CRACD: variants seen among roughly 807,000 people sequenced by gnomAD.
CRACD encodes capping protein inhibiting regulator of actin dynamics.
A neutral mutation model predicts 106.8 loss-of-function variants in CRACD; 56 were observed. The ratio of observed to expected loss-of-function variants is 0.52; its 90% confidence interval spans 0.42 to 0.66. The LOEUF is 0.66. Among genes scored for constraint, CRACD ranks in the 30% least tolerant of loss-of-function variants. CRACD has a pLI of 0.00. For missense variants in CRACD, 1,730 were observed against 1,623.2 expected (o/e 1.07, Z -1.13); for synonymous variants, 754 against 670.8 (o/e 1.12, Z -1.92).
rs1199057568 is a variant in CRACD, at chr4:56,063,737, AT to A, written c.-336+14439del. On this transcript the variant is annotated intron_variant, in intron 1 of 10. Transcript: ENST00000682029. ...CCATTGTATGACTTTTTAAAAAAAA[AT>A]GAAATTTTCTGTTGATGGATATTTG... Among the ~76,000 whole-genome samples, 3 of 152,178 alleles carry A rather than the reference AT, an allele frequency of 2.0e-5. No homozygotes were observed. In the East Asian group the frequency reaches 5.8e-4, roughly 29 times the overall value.
chr4:56,280,694 A>C (rs1191234051), intron 3 of CRACD, among the ~76,000 whole-genome samples: 4 of 152,238 alleles, frequency 2.6e-5, no homozygotes, highest in Non-Finnish European at 5.9e-5. Flanking sequence ...GGACAAGTCA[A>C]TATTCATCTA....
chr4:56,297,264 A>T (rs1744108072), intron 3 of CRACD, among the ~76,000 whole-genome samples: 1 of 152,096 alleles, frequency 6.6e-6, no homozygotes, highest in Non-Finnish European at 1.5e-5. Context: ...CACACGGCTT[A>T]TACCTCATTG....
rs1434321614 is a variant in CRACD at position 56,275,264 on chromosome 4, C to CTGAACACG, written c.-17+2777_-17+2778insACGTGAAC. 3.9e-5 allele frequency among the ~76,000 whole-genome samples: 6 copies of CTGAACACG among 152,190 alleles called. No individual in the cohort carries two copies. The South Asian group carries it at 1.2e-3, about 32-fold the overall frequency. The stretch of plus-strand genomic sequence containing the variant: ...ACGTAACAAACCTTCACGTGTACCC[C>CTGAACACG]TGAACGTAAAATAAAAGTTAAAAAA... On this transcript the variant is annotated intron_variant, in intron 3 of 10. Transcript: ENST00000682029.
At chr4:56,322,402 T>G (rs1746158994) in intron 8 of CRACD, among the ~76,000 whole-genome samples, 1 of 152,240 alleles carries the variant, frequency 6.6e-6, no homozygotes, top group African/African-American at 2.4e-5. Context: ...ACCTGTCACA[T>G]GAACCTCCTG....
intron 1 of CRACD, among the ~76,000 whole-genome samples, chr4:56,143,077 TA>T (rs1050827083): frequency 2.0e-5 from 3 of 152,000 alleles, no homozygotes; most frequent in Admixed American, 1.3e-4. Context: ...ATTCTAGACA[TA>T]AAAATTGTTT....
At chr4:56,309,548 C>A (rs1577892971) in intron 5 of CRACD, among the ~76,000 whole-genome samples, 1 of 151,958 alleles carries the variant, frequency 6.6e-6, no homozygotes, top group African/African-American at 2.4e-5. Flanking sequence ...GTAGAGACCT[C>A]ATCTCTACAA....
At chr4:56,237,133 C>T (rs561163277) in intron 2 of CRACD, among the ~76,000 whole-genome samples, 1 of 151,794 alleles carries the variant, frequency 6.6e-6, no homozygotes, top group Admixed American at 6.6e-5. Flanking sequence ...AAAGAAAAAA[C>T]CTGGAATAGC....
chr4:56,272,467 G>C lies in CRACD; in HGVS notation c.-42G>C, dbSNP rs1742413180. ...CAGCAATGGGACCTTCTCTTCGGAT[G>C]AGGAGACCCTGGAAGACAATCTAAG... On this transcript the variant is annotated 5_prime_UTR_variant, in exon 3 of 11. An upstream start codon of the reference 5' UTR is lost. Coordinates refer to ENST00000682029, the MANE Select transcript of CRACD (RefSeq NM_001393381.1). 1.3e-5 allele frequency: 2 copies of C among 152,666 alleles called. No homozygotes were observed. Among genetic ancestry groups the C allele is most frequent in the South Asian group, 4.1e-4 (2 of 4,828 alleles). The allele number at this position is 152,666 out of a possible 1,614,324, so 9.5% of individuals were successfully genotyped here.
At chr4:56,143,707 ATT>A (rs1735283016) in intron 1 of CRACD, among the ~76,000 whole-genome samples, 1 of 151,954 alleles carries the variant, frequency 6.6e-6, no homozygotes, top group African/African-American at 2.4e-5. Context: ...GACTTCTAAT[ATT>A]TTTGCCTACA....
chr4:56,315,492 G>A lies in CRACD; in HGVS notation c.1990G>A (p.Ala664Thr). The change falls in exon 8 of 11, where the codon GCA becomes ACA. Residue 664 changes from alanine to threonine, a missense_variant. Ala to Thr is a moderately conservative substitution (Grantham distance 58, BLOSUM62 0). Around this residue, in one of 5 missense-constraint regions of CRACD, gnomAD observed 1,620 missense variants for 1,481.6 expected, o/e 1.09. Coordinates refer to ENST00000682029, the MANE Select transcript of CRACD (RefSeq NM_001393381.1). This position sits in a 1 kb window ranked among gnomAD's most constrained non-coding sequence, Gnocchi z 4.1. ...PRQESPSSAS[A>T]LAEWASIRSR... ...CCAGGAGTCTCCCAGCAGCGCGTCC[G>A]CACTCGCAGAATGGGCTTCCATTCG... The A allele has an allele frequency of 6.2e-7, 1 of 1,613,414 alleles. No individual in the cohort carries two copies. Among genetic ancestry groups the A allele is most frequent in the African/African-American group, 1.3e-5 (1 of 75,054 alleles).
At chr4:56,215,650 G>C (rs1311158484) in intron 2 of CRACD, among the ~76,000 whole-genome samples, 2 of 152,178 alleles carry the variant, frequency 1.3e-5, no homozygotes, top group Non-Finnish European at 2.9e-5. Flanking sequence ...TACACATAGA[G>C]ACAGCATAAT....
At position 56,315,865 on chromosome 4, in the gene CRACD, G is replaced by T; in HGVS notation, c.2363G>T (p.Gly788Val). Residue 788 changes from glycine (G) to valine (V), a missense_variant, in exon 8 of 11, where the codon GGA becomes GTA. Physicochemically the swap from Gly to Val is moderately radical, Grantham distance 109 (BLOSUM62 -3). Transcript: ENST00000682029. This position sits in a 1 kb window ranked among gnomAD's most constrained non-coding sequence, Gnocchi z 4.1. The stretch of plus-strand genomic sequence containing the variant: ...CGGGAGCCCGCAGACACCACCGAGG[G>T]ATGCAAATTTGCCAAAGACCTCCCG... The part of the protein sequence containing the change: ...MHREPADTTE[G>V]CKFAKDLPSF... 1 of 1,614,198 alleles carries T rather than the reference G, an allele frequency of 6.2e-7. No individual in the cohort carries two copies. The highest frequency in any genetic ancestry group is 1.3e-5 in the African/African-American group (1 of 75,056).
intron 3 of CRACD, among the ~76,000 whole-genome samples, chr4:56,285,724 G>A (rs1225607126): frequency 6.6e-6 from 1 of 152,110 alleles, no homozygotes; most frequent in Non-Finnish European, 1.5e-5. Context: ...AGGATTATAG[G>A]TGCCCAGCAC....
chr4:56,270,160 C>T (rs996045659), intron 2 of CRACD, among the ~76,000 whole-genome samples: 2 of 152,064 alleles, frequency 1.3e-5, no homozygotes, highest in African/African-American at 4.8e-5. Flanking sequence ...GTCCTCAGCA[C>T]CTTATGCCGC....
chr4:56,287,898 A>G (rs1743462601), intron 3 of CRACD, among the ~76,000 whole-genome samples: 2 of 152,232 alleles, frequency 1.3e-5, no homozygotes, highest in African/African-American at 4.8e-5. Flanking sequence ...ATGTAGGTAG[A>G]ACAGGACCCT....
At chr4:56,318,374 T>C (rs183703486) in intron 8 of CRACD, among the ~76,000 whole-genome samples, 197 of 152,256 alleles carry the variant, frequency 1.3e-3, no homozygotes, top group African/African-American at 4.6e-3. Context: ...AGACCATTTC[T>C]CCCTAATGAT....
intron 2 of CRACD, among the ~76,000 whole-genome samples, chr4:56,191,111 C>T (rs184744891): frequency 1.9e-3 from 282 of 152,238 alleles, no homozygotes; most frequent in Admixed American, 3.3e-3. Flanking sequence ...CCAGAGAAAC[C>T]TTGATAATTT....
intron 3 of CRACD, 86 bp downstream of exon 3, chr4:56,272,578 G>C (rs1333991619): frequency 6.6e-6 from 1 of 152,458 alleles, no homozygotes; most frequent in African/African-American, 2.4e-5. Context: ...GCTGTTTTTG[G>C]TTCCAGGAGA....
intron 1 of CRACD, among the ~76,000 whole-genome samples, chr4:56,065,636 G>C (rs761883775): frequency 6.6e-6 from 1 of 152,070 alleles, no homozygotes; most frequent in Non-Finnish European, 1.5e-5. Flanking sequence ...TGGCCAGCTG[G>C]TTTTTTTGTT....
Sources: gnomAD v4.1 joint callset for allele counts (sites outside exome capture counted in the v4.1 genomes callset) on GRCh38, gnomAD v4.1.1 for gene constraint, gnomAD v4.1.1 regional missense constraint, Gnocchi (gnomAD v3.1) non-coding constraint, MANE v1.5 for transcripts, NCBI Gene and HGNC (gene_info 2026-07-23, HGNC 2026-07-21) for gene names.